The following MAP3K15 variants were observed in gnomAD, a reference collection of about 807,000 sequenced individuals.
MAP3K15 encodes the protein MAPK/ERK kinase kinase 15.
In MAP3K15, 124 loss-of-function variants were observed where a neutral mutation model predicts 99.5. The ratio of observed to expected loss-of-function variants is 1.25; its 90% CI spans 1.08 to 1.45. The LOEUF is 1.45. Ranked by LOEUF, MAP3K15 falls within the 40% of genes most tolerant of loss-of-function variation. MAP3K15 has a pLI of 0.00. For synonymous variants in MAP3K15, 494 were observed against 439.6 expected, an observed-to-expected ratio of 1.12 and a Z score of -1.55; for missense variants, 1,242 against 1,079.7, an observed-to-expected ratio of 1.15 and a Z score of -2.11.
At chrX:19,402,030 G>C (rs973597959) in intron 13 of MAP3K15, among the ~76,000 whole-genome samples, 8 of 111,816 alleles carry the variant, frequency 7.2e-5, no homozygotes, top group Admixed American at 6.7e-4. Context: ...GCTCATGCCT[G>C]TAATCTTAGC....
At chrX:19,507,930 C>G (rs763004009) in intron 1 of MAP3K15, among the ~76,000 whole-genome samples, 1 of 112,323 alleles carries the variant, frequency 8.9e-6, no homozygotes, top group Non-Finnish European at 1.9e-5. Context: ...TGCAATGGCA[C>G]GATCTCAGCT....
In MAP3K15 at chrX:19,374,540, T is replaced by C. The variant is rs779967232; in HGVS notation, c.2710A>G (p.Arg904Gly). Residue 904 changes from arginine to glycine, a missense_variant, in exon 20 of 29, where the codon AGA (arginine) becomes GGA (glycine). Transcript: ENST00000338883. ...TTCACCTGCCTTAAGAAACCCTCTC[T>C]CAGTAGCTCAGCAGTGGTGGCACGT... ...HKRATTAELL[R>G]EGFLRQVNKG... is the part of the protein sequence containing the mutation. The C allele has an allele frequency of 1.7e-6, 2 of 1,211,358 alleles. No individual in the cohort carries two copies. Among genetic ancestry groups the C allele is most frequent in the Non-Finnish European group, 2.2e-6 (2 of 895,367 alleles).
At chrX:19,433,671 C>G (rs7052466) in intron 6 of MAP3K15, among the ~76,000 whole-genome samples, 1,824 of 111,354 alleles carry the variant, frequency 0.016, 39 homozygotes, top group African/African-American at 0.057. Flanking sequence ...CTCTGGAGAA[C>G]CCTGCCTAAG....
At chrX:19,487,139 GAA>G (rs200228014) in intron 2 of MAP3K15, among the ~76,000 whole-genome samples, 1 of 66,508 alleles carries the variant, frequency 1.5e-5, no homozygotes, top group African/African-American at 5.2e-5. Context: ...TGGGGGGGGG[GAA>G]GGGCGGAGAA....
chrX:19,398,241 G>A lies in MAP3K15; in HGVS notation c.2051C>T (p.Pro684Leu). 1.2e-5 allele frequency: 14 copies of A among 1,210,928 alleles called. No homozygotes were observed. Among genetic ancestry groups the A allele is most frequent in the Middle Eastern group, 2.3e-4 (1 of 4,349 alleles). ...CTGGACTTGCCTGCTATCTCTCTCCGGGATTTCTTTGATGGCTATTCGCAC... is the reference window on the plus strand; with the variant it reads ...CTGGACTTGCCTGCTATCTCTCTCCAGGATTTCTTTGATGGCTATTCGCAC... The part of the protein sequence containing the change: ...NQVRIAIKEI[P>L]ERDSRYSQPL... The change falls in exon 15 of 29, where the codon CCG becomes CTG. Residue 684 changes from proline (P) to leucine (L), a missense_variant. Transcript: ENST00000338883.
rs1204636395 is a variant in MAP3K15, at chrX:19,470,075, C to T, written c.526-5669G>A. Reference sequence around the variant, plus strand: ...GGTATATACCTAAAGGATTATAAACCATGCTGCTATAAAGACACATGCACA... The same window carrying T: ...GGTATATACCTAAAGGATTATAAACTATGCTGCTATAAAGACACATGCACA... On this transcript the variant is annotated intron_variant, in intron 3 of 28. Transcript: ENST00000338883. 6.3e-5 allele frequency among the ~76,000 whole-genome samples: 7 copies of T among 111,873 alleles called. No individual in the cohort carries two copies. The Middle Eastern group carries it at 0.014, about 222-fold the overall frequency.
At chrX:19,449,916 G>T (rs566672331) in intron 6 of MAP3K15, among the ~76,000 whole-genome samples, 1 of 108,757 alleles carries the variant, frequency 9.2e-6, no homozygotes, top group South Asian at 4.1e-4. Context: ...ATTTGGAAAT[G>T]GTCAAAAGTT....
At chrX:19,375,162 C>T (rs867330810) in intron 19 of MAP3K15, among the ~76,000 whole-genome samples, 15 of 112,429 alleles carry the variant, frequency 1.3e-4, no homozygotes, top group Middle Eastern at 9.1e-3. Flanking sequence ...AAAAAGTCAT[C>T]GTTTTAAGCT....
chrX:19,457,087 T>C, intron 5 of MAP3K15, 68 bp from the exon 6 acceptor site: 1 of 791,031 alleles, frequency 1.3e-6, no homozygotes, highest in Non-Finnish European at 1.9e-6. Flanking sequence ...TTCTGAATTG[T>C]TATAAACAGG....
At chrX:19,487,736 A>G (rs2064338992) in intron 2 of MAP3K15, among the ~76,000 whole-genome samples, 1 of 112,247 alleles carries the variant, frequency 8.9e-6, no homozygotes, top group African/African-American at 3.2e-5. Context: ...AAATAATCTC[A>G]AATCCTTACA....
Position 19,360,601 on chromosome X carries a change from C to G in MAP3K15, c.*148G>C, listed in dbSNP as rs1354036653. On this transcript the variant is annotated 3_prime_UTR_variant, in exon 29 of 29. Coordinates refer to ENST00000338883, the MANE Select transcript of MAP3K15 (RefSeq NM_001001671.4). ...AACAGGTTTCAAAAGAAACTCAGGA[C>G]AGTATTTAAAACAAGTTCTTAAACT... The G allele has an allele frequency of 6.6e-6, 3 of 453,963 alleles. No individual in the cohort carries two copies. The highest frequency in any genetic ancestry group is 7.6e-6 in the Non-Finnish European group (2 of 264,319). 37.4% of individuals were successfully genotyped at this position (453,963 alleles called of 1,213,427 possible). A position where few individuals can be genotyped will look rare whatever the true frequency, so the allele number is the denominator to read the frequency against.
intron 3 of MAP3K15, among the ~76,000 whole-genome samples, chrX:19,471,273 T>TC (rs1326094539): frequency 9.1e-6 from 1 of 109,698 alleles, no homozygotes; most frequent in Non-Finnish European, 1.9e-5. Flanking sequence ...AATATGATTT[T>TC]TTTTTTTTGA....
intron 11 of MAP3K15, among the ~76,000 whole-genome samples, chrX:19,412,335 C>A (rs1319301755): frequency 8.9e-6 from 1 of 112,367 alleles, no homozygotes; most frequent in Non-Finnish European, 1.9e-5. Context: ...CCTACAGCTA[C>A]AAACATACAA....
rs754580505 is a variant in MAP3K15 at position 19,456,993 on chromosome X, C to T, written c.915G>A (p.Val305=). 1.7e-6 allele frequency: 2 copies of T among 1,195,419 alleles called. No homozygotes were observed. Among genetic ancestry groups the T allele is most frequent in the African/African-American group, 1.7e-5 (1 of 57,154 alleles). Reference sequence around the variant, plus strand: ...ACGTAGGCAGCATCTCCAGTGTTTCCACCAGCTTCACCATCGCATCATAGT... The same window carrying T: ...ACGTAGGCAGCATCTCCAGTGTTTCTACCAGCTTCACCATCGCATCATAGT... ...IQDYDAMVKL[V]ETLEMLPTCD... The change falls in exon 6 of 29, where the codon GTG becomes GTA. Residue 305 remains valine, a synonymous_variant. Coordinates refer to ENST00000338883, the MANE Select transcript of MAP3K15 (RefSeq NM_001001671.4).
intron 6 of MAP3K15, among the ~76,000 whole-genome samples, chrX:19,451,085 A>G (rs1172095500): frequency 1.8e-5 from 2 of 108,550 alleles, no homozygotes; most frequent in African/African-American, 6.6e-5. Flanking sequence ...CAGGAGTTCG[A>G]GACCAGCCTT....
intron 6 of MAP3K15, among the ~76,000 whole-genome samples, chrX:19,448,696 T>G (rs963456466): frequency 3.7e-5 from 4 of 109,539 alleles, no homozygotes; most frequent in Non-Finnish European, 3.9e-5. Context: ...TTCATTAGTC[T>G]TAGCTCTCTC....
intron 6 of MAP3K15, among the ~76,000 whole-genome samples, chrX:19,448,690 T>C (rs1264264283): frequency 2.7e-5 from 3 of 109,519 alleles, no homozygotes; most frequent in Non-Finnish European, 5.8e-5. Context: ...ATTGTATTCA[T>C]TAGTCTTAGC....
intron 9 of MAP3K15, among the ~76,000 whole-genome samples, chrX:19,421,452 C>T (rs2063783533): frequency 9.1e-6 from 1 of 110,310 alleles, no homozygotes; most frequent in Non-Finnish European, 1.9e-5. Context: ...GAATAAAATA[C>T]CTAGGAATCC....
At chrX:19,399,373 G>A (rs759705896) in intron 14 of MAP3K15, among the ~76,000 whole-genome samples, 1 of 111,387 alleles carries the variant, frequency 9.0e-6, no homozygotes, top group Admixed American at 9.5e-5. Context: ...GACCAGCCTG[G>A]CCAACATGGT....
Sources: allele counts gnomAD v4.1 joint callset (sites outside exome capture counted in the v4.1 genomes callset), GRCh38; gene constraint gnomAD v4.1.1; transcripts MANE v1.5; gene names NCBI Gene and HGNC (gene_info 2026-07-23, HGNC 2026-07-21).